The following RPL28 variants were observed in gnomAD, a reference collection of about 807,000 sequenced individuals.
RPL28 encodes the protein ribosomal protein L28.
In RPL28, 4 loss-of-function variants were observed where a neutral mutation model predicts 12.5. The ratio of observed to expected loss-of-function variants is 0.32; its 90% CI spans 0.16 to 0.73. The LOEUF (loss-of-function observed/expected upper bound fraction) is 0.73, where lower values mean the gene tolerates loss of function less well. Ranked by LOEUF, RPL28 falls within the 30% of genes least tolerant of loss-of-function variation. The probability of loss-of-function intolerance (pLI) is 0.66; values close to 1 mark genes in which losing one functional copy is unlikely to be tolerated. For synonymous variants in RPL28, 91 were observed against 72.5 expected (o/e 1.26, Z -1.30); for missense variants, 214 against 197.7 (o/e 1.08, Z -0.49).
chr19:55,401,071 A>C, intron 4 of RPL28: 2 of 261,306 alleles, frequency 7.7e-6, no homozygotes, highest in Non-Finnish European at 1.5e-5. Context: ...TTAGATTGGA[A>C]ATCTGACTCC....
Position 55,388,277 on chromosome 19 carries a change from G to C in RPL28, c.359G>C (p.Ser120Thr). The change falls in exon 5 of 5, where the codon AGC becomes ACC. Residue 120 changes from serine to threonine, a missense_variant. Coordinates refer to ENST00000344063, the MANE Select transcript of RPL28 (RefSeq NM_000991.5). ...AIRRASAILR[S>T]QKPVMVKRKR... is the part of the protein sequence containing the mutation. ...CGCAGGGCCAGCGCCATCCTGCGCAGCCAGAAGCCTGTGATGGTGAAGAGG... is the reference window on the plus strand; with the variant it reads ...CGCAGGGCCAGCGCCATCCTGCGCACCCAGAAGCCTGTGATGGTGAAGAGG... 6.3e-7 allele frequency: 1 copy of C among 1,582,936 alleles called. No individual in the cohort carries two copies. The highest frequency in any genetic ancestry group is 8.6e-7 in the Non-Finnish European group (1 of 1,165,138).
chr19:55,390,616 C>T lies in RPL28; in HGVS notation c.*2284C>T, dbSNP rs1468993045. On this transcript the variant is annotated 3_prime_UTR_variant, in exon 5 of 5. Coordinates refer to ENST00000344063, the MANE Select transcript of RPL28 (RefSeq NM_000991.5). ...TCCTGCTGGCTTTCTCCATCCCTAT[C>T]TGAATCCTCCCTGCTGTGTGGCCTC... The T allele has an allele frequency of 2.0e-6, 2 of 985,570 alleles. No individual in the cohort carries two copies. The highest frequency in any genetic ancestry group is 2.4e-6 in the Non-Finnish European group (2 of 830,104). 61.1% of individuals were successfully genotyped at this position (985,570 alleles called of 1,614,324 possible). A position where few individuals can be genotyped will look rare whatever the true frequency, so the allele number is the denominator to read the frequency against.
chr19:55,387,399 G>A lies in RPL28; in HGVS notation c.206-531G>A, dbSNP rs777708556. 5.8e-6 allele frequency: 9 copies of A among 1,549,280 alleles called. No homozygotes were observed. In the Admixed American group the frequency reaches 5.9e-5, roughly 10 times the overall value. On this transcript the variant is annotated intron_variant, in intron 3 of 4. Transcript: ENST00000344063. ...AGTGATCCTCCTGTCTCAGGGACAC[G>A]TAGTCCAGGGAGCAGCCAATTGCTT...
At chr19:55,396,919 G>A (rs547305280), downstream of RPL28, among the ~76,000 whole-genome samples, 144 of 151,146 alleles carry the variant, frequency 9.5e-4, no homozygotes, top group African/African-American at 3.3e-3. Context: ...TGGCTCTATC[G>A]TCCAGGCTAG....
In RPL28 at chr19:55,389,979, G is replaced by T; in HGVS notation, c.*1647G>T. On this transcript the variant is annotated 3_prime_UTR_variant, in exon 5 of 5. Transcript: ENST00000344063. Reference sequence around the variant, plus strand: ...TCCGCCTTCATAAGGAGAGCTCACTGCTCACGTTAGTAGATGGCCCCTTCT... The same window carrying T: ...TCCGCCTTCATAAGGAGAGCTCACTTCTCACGTTAGTAGATGGCCCCTTCT... 1.0e-6 allele frequency: 1 copy of T among 985,510 alleles called. No homozygotes were observed. The highest frequency in any genetic ancestry group is 1.2e-6 in the Non-Finnish European group (1 of 829,996). The allele number at this position is 985,510 out of a possible 1,614,324, so 61.0% of individuals were successfully genotyped here. A position where few individuals can be genotyped will look rare whatever the true frequency, so the allele number is the denominator to read the frequency against.
intron 1 of RPL28, 60 bp from the exon 2 acceptor site, chr19:55,386,289 TG>T: frequency 6.7e-7 from 1 of 1,502,514 alleles, no homozygotes; most frequent in Non-Finnish European, 9.2e-7. Flanking sequence ...GCGTGGCCCG[TG>T]GCCTAACGCT....
At chr19:55,395,654 A>G (rs966539936), downstream of RPL28, among the ~76,000 whole-genome samples, 186 of 150,216 alleles carry the variant, frequency 1.2e-3, no homozygotes, top group African/African-American at 2.1e-3. Flanking sequence ...TGTGTTAGCC[A>G]GGATGGTCTC....
chr19:55,388,705 C>T lies in RPL28; in HGVS notation c.*373C>T. The T allele has an allele frequency of 1.9e-6, 2 of 1,048,926 alleles. No individual in the cohort carries two copies. Among genetic ancestry groups the T allele is most frequent in the Non-Finnish European group, 2.3e-6 (2 of 872,004 alleles). The allele number at this position is 1,048,926 out of a possible 1,614,324, so 65.0% of individuals were successfully genotyped here. ...AAGGGTGCAGGCTGAGGGCTGGGCCCTGGGCCCTGGTGCTGTAGCACGGTT... is the reference window on the plus strand; with the variant it reads ...AAGGGTGCAGGCTGAGGGCTGGGCCTTGGGCCCTGGTGCTGTAGCACGGTT... On this transcript the variant is annotated 3_prime_UTR_variant, in exon 5 of 5. Transcript: ENST00000344063.
chr19:55,388,245 A>T lies in RPL28; in HGVS notation c.327A>T (p.Ala109=). 6.5e-7 allele frequency: 1 copy of T among 1,548,836 alleles called. No individual in the cohort carries two copies. The highest frequency in any genetic ancestry group is 1.2e-5 in the South Asian group (1 of 83,130). ...TTGCTCTGCTCCCCCGCCCCCAGGC[A>T]GCCATCCGCAGGGCCAGCGCCATCC... ...KNKYRPDLRM[A]AIRRASAILR... Residue 109 remains alanine (A), a splice_region_variant and synonymous_variant, in exon 5 of 5, where the codon GCA becomes GCT. Coordinates refer to ENST00000344063, the MANE Select transcript of RPL28 (RefSeq NM_000991.5).
downstream of RPL28, among the ~76,000 whole-genome samples, chr19:55,397,056 T>G (rs1031726876): frequency 6.6e-6 from 1 of 151,790 alleles, no homozygotes; most frequent in Non-Finnish European, 1.5e-5. Flanking sequence ...ATTTTTGTGT[T>G]TTTTGTACAG....
At position 55,389,620 on chromosome 19, in the gene RPL28, A is replaced by G; in HGVS notation, c.*1288A>G. 1.0e-6 allele frequency: 1 copy of G among 985,532 alleles called. No homozygotes were observed. The highest frequency in any genetic ancestry group is 1.2e-6 in the Non-Finnish European group (1 of 829,982). The allele number at this position is 985,532 out of a possible 1,614,324, so 61.0% of individuals were successfully genotyped here. On this transcript the variant is annotated 3_prime_UTR_variant, in exon 5 of 5. Transcript: ENST00000344063. ...GGCTGGGAGCCCTGCGTTTTGAGGC[A>G]GACCACTGCCCTTCCGACCTCAGTC...
In RPL28 at chr19:55,389,047, C is replaced by CTG; in HGVS notation, c.*716_*717insGT. 1.6e-5 allele frequency: 16 copies of CTG among 985,536 alleles called. No homozygotes were observed. The highest frequency in any genetic ancestry group is 1.9e-5 in the Non-Finnish European group (16 of 829,996). 61.0% of individuals were successfully genotyped at this position (985,536 alleles called of 1,614,324 possible). On this transcript the variant is annotated 3_prime_UTR_variant, in exon 5 of 5. Transcript: ENST00000344063. ...CACTTAGGTCTCATCTCAGTGGCCG[C>CTG]TCCTGGGCCACCCTGTCACCCAAGC...
chr19:55,403,050 G>A, exon 5 of RPL28: 1 of 1,429,298 alleles, frequency 7.0e-7, no homozygotes, highest in Non-Finnish European at 9.5e-7. Context: ...TCTGTGTCAT[G>A]GAGCCATCTC....
In RPL28 at chr19:55,390,917, A is replaced by G. The variant is rs1330772318; in HGVS notation, c.*2585A>G. 9 of 985,356 alleles carry G rather than the reference A, an allele frequency of 9.1e-6. No individual in the cohort carries two copies. Among genetic ancestry groups the G allele is most frequent in the Non-Finnish European group, 1.1e-5 (9 of 829,958 alleles). The allele number at this position is 985,356 out of a possible 1,614,324, so 61.0% of individuals were successfully genotyped here. A position where few individuals can be genotyped will look rare whatever the true frequency, so the allele number is the denominator to read the frequency against. On this transcript the variant is annotated 3_prime_UTR_variant, in exon 5 of 5. Transcript: ENST00000344063. ...GATGTTGGATGGGGCCATCTATTCC[A>G]GCTTTATTCACACAAATCATGTCTG...
downstream of RPL28, among the ~76,000 whole-genome samples, chr19:55,396,838 C>A (rs894732555): frequency 7.2e-5 from 11 of 151,758 alleles, no homozygotes; most frequent in African/African-American, 2.7e-4. Context: ...CCTTGGCCTC[C>A]CAAAGTGCTG....
chr19:55,394,809 A>G (rs1426102143), downstream of RPL28, among the ~76,000 whole-genome samples: 1 of 151,872 alleles, frequency 6.6e-6, no homozygotes, highest in Non-Finnish European at 1.5e-5. Context: ...CCTGGGCTCA[A>G]TCCTCCCAAA....
chr19:55,401,920 CT>C (rs1468055524), intron 4 of RPL28, among the ~76,000 whole-genome samples: 1 of 151,920 alleles, frequency 6.6e-6, no homozygotes, highest in Non-Finnish European at 1.5e-5. Flanking sequence ...ATCTTTGCTC[CT>C]GTCTCCCTCA....
chr19:55,388,193 C>T lies in RPL28; in HGVS notation c.325-50C>T, dbSNP rs201627498. The stretch of plus-strand genomic sequence containing the variant: ...CCACACCCAGCATTGGCCTAGGGGG[C>T]GGCTTGTGGAGTGTATGGGCTGAGC... On this transcript the variant is annotated intron_variant, in intron 4 of 4. Transcript: ENST00000344063. The T allele has an allele frequency of 5.3e-5, 80 of 1,509,536 alleles. No individual in the cohort carries two copies. The Admixed American group carries it at 7.7e-4, about 15-fold the overall frequency. 93.5% of individuals were successfully genotyped at this position (1,509,536 alleles called of 1,614,324 possible).
downstream of RPL28, among the ~76,000 whole-genome samples, chr19:55,396,774 G>A (rs191844367): frequency 2.5e-4 from 38 of 149,286 alleles, no homozygotes; most frequent in African/African-American, 8.9e-4. Flanking sequence ...TAGAGACAGG[G>A]TTTCACCGTG....
Sources: allele counts gnomAD v4.1 joint callset (sites outside exome capture counted in the v4.1 genomes callset), GRCh38; gene constraint gnomAD v4.1.1; transcripts MANE v1.5; gene names NCBI Gene and HGNC (gene_info 2026-07-23, HGNC 2026-07-21).